KCNIP4: variants seen among roughly 807,000 people sequenced by gnomAD.
KCNIP4 encodes Kv channel-interacting protein 4.
KCNIP4 carries 12 observed loss-of-function variants against 34.0 expected under a neutral mutation model. That is an observed-to-expected ratio of 0.35 (90% CI 0.23 to 0.57). KCNIP4 has a LOEUF of 0.57. Among genes scored for constraint, KCNIP4 ranks in the 20% least tolerant of loss-of-function variants. The pLI, the probability that KCNIP4 is intolerant of heterozygous loss-of-function variation, is 0.83. For synonymous variants in KCNIP4, 124 were observed against 102.2 expected (o/e 1.21, Z -1.29); for missense variants, 238 against 311.7 (o/e 0.76, Z 1.78).
chr4:21,109,321 C>T (rs1365588498), intron 1 of KCNIP4, among the ~76,000 whole-genome samples: 1 of 152,260 alleles, frequency 6.6e-6, no homozygotes, highest in East Asian at 1.9e-4. Flanking sequence ...GCCCCTCCCC[C>T]AGCCTCGCTG....
chr4:21,555,489 T>C (rs945441811), intron 1 of KCNIP4, among the ~76,000 whole-genome samples: 1 of 152,194 alleles, frequency 6.6e-6, no homozygotes, highest in Non-Finnish European at 1.5e-5. Context: ...ATTGATTTTC[T>C]TGATTTATCA....
intron 1 of KCNIP4, among the ~76,000 whole-genome samples, chr4:21,410,654 A>G (rs1396977946): frequency 1.3e-5 from 2 of 152,178 alleles, no homozygotes; most frequent in African/African-American, 2.4e-5. Flanking sequence ...AACCTCATCA[A>G]CAACACCAAG....
intron 1 of KCNIP4, among the ~76,000 whole-genome samples, chr4:21,556,335 A>C (rs182928065): frequency 1.1e-3 from 173 of 152,270 alleles, no homozygotes; most frequent in African/African-American, 3.9e-3. Flanking sequence ...CAATTTAAAG[A>C]AGAGGACAAT....
At chr4:20,997,268 G>C (rs1190681960) in intron 1 of KCNIP4, among the ~76,000 whole-genome samples, 1 of 152,208 alleles carries the variant, frequency 6.6e-6, no homozygotes, top group African/African-American at 2.4e-5. Flanking sequence ...TGAGTAGGCT[G>C]TTGTAATGGT....
chr4:21,504,504 A>AAAGAAAGAAAGGAAGG (rs1451213413), intron 1 of KCNIP4, among the ~76,000 whole-genome samples: 12 of 133,578 alleles, frequency 9.0e-5, no homozygotes, highest in Admixed American at 8.6e-4. Context: ...AGAAAGAAAG[A>AAAGAAAGAAAGGAAGG]AAGGAAGGAA....
intron 1 of KCNIP4, among the ~76,000 whole-genome samples, chr4:21,503,380 T>C (rs1733525551): frequency 6.6e-6 from 1 of 152,214 alleles, no homozygotes; most frequent in Non-Finnish European, 1.5e-5. Flanking sequence ...CTGTAGGTCC[T>C]TGAGGTACAT....
chr4:21,525,753 C>A (rs1735918564), intron 1 of KCNIP4, among the ~76,000 whole-genome samples: 1 of 152,048 alleles, frequency 6.6e-6, no homozygotes, highest in South Asian at 2.1e-4. Context: ...TTCTTTGCTT[C>A]TTAAGTGATG....
chr4:20,877,548 T>C (rs1724194904), intron 2 of KCNIP4, among the ~76,000 whole-genome samples: 1 of 152,160 alleles, frequency 6.6e-6, no homozygotes, highest in Admixed American at 6.5e-5. Flanking sequence ...TTGTCTAGTC[T>C]TCAGTTTCCT....
At chr4:21,727,351 A>T (rs765883912) in intron 1 of KCNIP4, among the ~76,000 whole-genome samples, 1 of 152,170 alleles carries the variant, frequency 6.6e-6, no homozygotes, top group Non-Finnish European at 1.5e-5. Context: ...ATGTGAGGAC[A>T]CAGCAAGAAA....
At chr4:21,023,292 T>C (rs909209865) in intron 1 of KCNIP4, among the ~76,000 whole-genome samples, 5 of 152,090 alleles carry the variant, frequency 3.3e-5, no homozygotes, top group Admixed American at 6.6e-5. Context: ...AATAAAGATA[T>C]AGACATTATT....
At chr4:20,922,679 T>C (rs1233167742) in intron 1 of KCNIP4, among the ~76,000 whole-genome samples, 3 of 152,114 alleles carry the variant, frequency 2.0e-5, no homozygotes, top group Non-Finnish European at 4.4e-5. Flanking sequence ...TCTGAAAAAT[T>C]AGAGCATGAA....
intron 1 of KCNIP4, among the ~76,000 whole-genome samples, chr4:21,175,555 T>A (rs1192304946): frequency 6.6e-6 from 1 of 152,200 alleles, no homozygotes; most frequent in African/African-American, 2.4e-5. Flanking sequence ...GGAAATACTT[T>A]ATGGCTTCTC....
At chr4:21,218,002 T>A (rs1757716929) in intron 1 of KCNIP4, among the ~76,000 whole-genome samples, 2 of 144,046 alleles carry the variant, frequency 1.4e-5, no homozygotes, top group Non-Finnish European at 1.5e-5. Flanking sequence ...TTTTTTTAAA[T>A]TTATTTATTT....
chr4:21,113,455 T>TAAA (rs56676152), intron 1 of KCNIP4, among the ~76,000 whole-genome samples: 116 of 62,302 alleles, frequency 1.9e-3, no homozygotes, highest in African/African-American at 6.7e-3. Context: ...TCTATAAGTT[T>TAAA]AAAAAAAAAA....
intron 1 of KCNIP4, among the ~76,000 whole-genome samples, chr4:21,305,716 C>T (rs1338054067): frequency 6.6e-6 from 1 of 152,220 alleles, no homozygotes; most frequent in South Asian, 2.1e-4. Context: ...GACAGCTCAG[C>T]TTCCTTCACC....
chr4:21,742,805 G>A (rs1210422033), intron 1 of KCNIP4, among the ~76,000 whole-genome samples: 2 of 151,986 alleles, frequency 1.3e-5, no homozygotes, highest in Non-Finnish European at 2.9e-5. Context: ...AGGCCCAGCA[G>A]AATAGGGAGA....
chr4:21,906,888 G>T (rs925802367), intron 1 of KCNIP4, among the ~76,000 whole-genome samples: 4 of 152,000 alleles, frequency 2.6e-5, no homozygotes, highest in Non-Finnish European at 5.9e-5. Flanking sequence ...TACATAAAAG[G>T]TATATTTTTA....
intron 1 of KCNIP4, among the ~76,000 whole-genome samples, chr4:21,159,595 C>T (rs1753426124): frequency 2.8e-5 from 1 of 35,700 alleles, no homozygotes; most frequent in East Asian, 5.3e-4. Flanking sequence ...ACCTGGGAAG[C>T]GCAAGGGGTC....
chr4:21,669,921 G>T (rs940442032), intron 1 of KCNIP4, among the ~76,000 whole-genome samples: 2 of 152,092 alleles, frequency 1.3e-5, no homozygotes, highest in African/African-American at 4.8e-5. Flanking sequence ...TAAAATGGGT[G>T]AACTGTTAGC....
Sources: gnomAD v4.1 joint callset for allele counts (sites outside exome capture counted in the v4.1 genomes callset) on GRCh38, gnomAD v4.1.1 for gene constraint, MANE v1.5 for transcripts, NCBI Gene and HGNC (gene_info 2026-07-23, HGNC 2026-07-21) for gene names.